Variants in SLC2A7 observed in about 807,000 individuals in gnomAD.
SLC2A7 encodes solute carrier family 2 member 7.
In SLC2A7, 50 loss-of-function variants were observed where a neutral mutation model predicts 50.5. The observed-to-expected ratio is 0.99, with a 90% CI of 0.79 to 1.25. The LOEUF (loss-of-function observed/expected upper bound fraction) is 1.25, where lower values mean the gene tolerates loss of function less well. Ranked by LOEUF, SLC2A7 falls within the 50% of genes most tolerant of loss-of-function variation. The pLI is 0.00. For missense variants in SLC2A7, 683 were observed against 679.1 expected, an observed-to-expected ratio of 1.01 and a Z score of -0.06; for synonymous variants, 308 against 300.4, an observed-to-expected ratio of 1.03 and a Z score of -0.26.
chr1:9,019,817 G>A (rs1024111326), intron 3 of SLC2A7, among the ~76,000 whole-genome samples: 1 of 152,086 alleles, frequency 6.6e-6, no homozygotes, highest in African/African-American at 2.4e-5. Context: ...TCAGCTACTC[G>A]GGAGGCTGAG....
intron 4 of SLC2A7, 84 bp from the exon 5 acceptor site, chr1:9,018,459 G>A (rs557966543): frequency 1.4e-4 from 214 of 1,547,734 alleles, no homozygotes; most frequent in South Asian, 1.1e-3. Flanking sequence ...TCCTAATCCC[G>A]GGGCTTCTCC....
chr1:9,023,211 A>C (rs1383299081), intron 2 of SLC2A7, 133 bp from the exon 3 acceptor site: 1 of 815,234 alleles, frequency 1.2e-6, no homozygotes, highest in African/African-American at 1.7e-5. Flanking sequence ...AGTTAAACCC[A>C]CTGATTCCCT....
At chr1:9,021,657 G>A (rs1028138039) in intron 3 of SLC2A7, among the ~76,000 whole-genome samples, 3 of 152,302 alleles carry the variant, frequency 2.0e-5, no homozygotes, top group Non-Finnish European at 2.9e-5. Flanking sequence ...CAGCCTTCAG[G>A]AGCAGCCACC....
At chr1:8,994,866 G>C in the SLC2A7 span, among the ~76,000 whole-genome samples, 2 of 151,840 alleles carry the variant, frequency 1.3e-5, no homozygotes, top group African/African-American at 4.8e-5. Context: ...TGCCTCCTGG[G>C]TTCAAGCGAT....
intron 10 of SLC2A7, among the ~76,000 whole-genome samples, chr1:9,005,280 T>G (rs567262743): frequency 6.6e-6 from 1 of 152,306 alleles, no homozygotes; most frequent in African/African-American, 2.4e-5. Flanking sequence ...CGCCCGCGCT[T>G]GGGAAGTGCC....
Position 9,010,372 on chromosome 1 carries a change from T to A in SLC2A7, c.1015-128A>T, listed in dbSNP as rs1364889002. 5.4e-6 allele frequency: 4 copies of A among 736,574 alleles called. No individual in the cohort carries two copies. In the African/African-American group the frequency reaches 7.1e-5, roughly 13 times the overall value. 45.6% of individuals were successfully genotyped at this position (736,574 alleles called of 1,614,324 possible). ...TCTTTCTTTTGTCTTTCTTTCTTTT[T>A]TTTTAAACGGAGTTTTGCTCTTGCT... On this transcript the variant is annotated intron_variant, in intron 8 of 11. Coordinates refer to ENST00000400906, the MANE Select transcript of SLC2A7 (RefSeq NM_207420.3).
At chr1:8,998,487 G>A (rs2895997), downstream of SLC2A7, among the ~76,000 whole-genome samples, 93,179 of 152,062 alleles carry the variant, frequency 0.61, 29,767 homozygotes, top group East Asian at 0.84. Context: ...TCCATTAACT[G>A]TTCACTATTA....
intron 6 of SLC2A7, 49 bp downstream of exon 6, chr1:9,015,068 T>C: frequency 6.2e-7 from 1 of 1,607,002 alleles, no homozygotes; most frequent in South Asian, 1.1e-5. Context: ...TGTCTCTGCC[T>C]GGCCCCCGGG....
At position 9,023,005 on chromosome 1, in the gene SLC2A7, A is replaced by C. The variant is rs1266628104; in HGVS notation, c.224T>G (p.Leu75Arg). 2 of 1,614,082 alleles carry C rather than the reference A, an allele frequency of 1.2e-6. No individual in the cohort carries two copies. Among genetic ancestry groups the C allele is most frequent in the Non-Finnish European group, 1.7e-6 (2 of 1,180,036 alleles). The change falls in exon 3 of 12, where the codon CTT (leucine) becomes CGT (arginine). Residue 75 changes from leucine (L) to arginine (R), a missense_variant. By Grantham distance (102) the Leu-to-Arg change is moderately radical. Coordinates refer to ENST00000400906, the MANE Select transcript of SLC2A7 (RefSeq NM_207420.3). Reference sequence around the variant, plus strand: ...CATGGAGACGGTGCAAGACCATAGAAGCAGCATGAGCTTCCCGTCCATGAA... The same window carrying C: ...CATGGAGACGGTGCAAGACCATAGACGCAGCATGAGCTTCCCGTCCATGAA... Reference protein sequence around the residue: ...ATFMDGKLMLLLWSCTVSMFP... With the variant: ...ATFMDGKLMLRLWSCTVSMFP...
intron 5 of SLC2A7, among the ~76,000 whole-genome samples, chr1:9,016,058 A>ATC (rs1290569557): frequency 6.6e-6 from 1 of 152,156 alleles, no homozygotes; most frequent in East Asian, 1.9e-4. Context: ...CTCAGGCAAG[A>ATC]AGTGGCGAGG....
At chr1:8,994,993 A>T in the SLC2A7 span, among the ~76,000 whole-genome samples, 4 of 149,920 alleles carry the variant, frequency 2.7e-5, no homozygotes, top group African/African-American at 9.8e-5. Flanking sequence ...CTGGTCTCGA[A>T]CTCCTGACCT....
chr1:8,992,735 G>C, the SLC2A7 span, among the ~76,000 whole-genome samples: 2 of 152,158 alleles, frequency 1.3e-5, no homozygotes, highest in African/African-American at 2.4e-5. Flanking sequence ...CGGAGCCCAG[G>C]ATCCAGAGTG....
rs1640800198 is a variant in SLC2A7 at position 9,014,733 on chromosome 1, A to C, written c.851T>G (p.Leu284Arg). ...LCALRSLRWQ[L>R]LSIIVLMAGQ... ...GGCCATGAGCACGATGATGGAGAGG[A>C]GCTGCCAGCGCAGGGACCGCAGGGC... Residue 284 changes from leucine (L) to arginine (R), a missense_variant, in exon 7 of 12, where the codon CTC (leucine) becomes CGC (arginine). Leu to Arg is a moderately radical substitution (Grantham distance 102, BLOSUM62 -2). Coordinates refer to ENST00000400906, the MANE Select transcript of SLC2A7 (RefSeq NM_207420.3). 1 of 1,573,412 alleles carries C rather than the reference A, an allele frequency of 6.4e-7. No homozygotes were observed. The highest frequency in any genetic ancestry group is 1.9e-5 in the Admixed American group (1 of 53,594).
the SLC2A7 span, among the ~76,000 whole-genome samples, chr1:8,996,280 C>CT: frequency 2.8e-4 from 42 of 152,332 alleles, no homozygotes; most frequent in African/African-American, 9.9e-4. Context: ...ATAGTAGGCA[C>CT]TTTCGGAGGG....
At chr1:9,012,392 T>A (rs1055366767) in intron 8 of SLC2A7, among the ~76,000 whole-genome samples, 7 of 152,146 alleles carry the variant, frequency 4.6e-5, no homozygotes, top group African/African-American at 1.7e-4. Flanking sequence ...AAAGGATGGA[T>A]CCTGCCCCAG....
chr1:9,024,320 T>C (rs1047453163), intron 2 of SLC2A7, among the ~76,000 whole-genome samples: 6 of 152,228 alleles, frequency 3.9e-5, no homozygotes, highest in Admixed American at 3.9e-4. Context: ...ACTCGGAGGT[T>C]CCATCCATGG....
chr1:9,024,895 C>T (rs537910592), intron 2 of SLC2A7, 81 bp downstream of exon 2: 88 of 1,490,986 alleles, frequency 5.9e-5, no homozygotes, highest in Non-Finnish European at 7.3e-5. Context: ...GCAGCCTCCA[C>T]GGAGGAAGAT....
At chr1:8,996,631 A>G in the SLC2A7 span, among the ~76,000 whole-genome samples, 3 of 152,208 alleles carry the variant, frequency 2.0e-5, no homozygotes, top group Non-Finnish European at 2.9e-5. Flanking sequence ...ACCATTTTAC[A>G]TATCTACCAG....
intron 2 of SLC2A7, among the ~76,000 whole-genome samples, chr1:9,024,556 G>A (rs1640966040): frequency 1.3e-5 from 2 of 152,154 alleles, no homozygotes; most frequent in African/African-American, 4.8e-5. Flanking sequence ...TCTGCCCTCA[G>A]GGTCTTCCAC....
Sources: gnomAD v4.1 joint callset for allele counts (sites outside exome capture counted in the v4.1 genomes callset) on GRCh38, gnomAD v4.1.1 for gene constraint, MANE v1.5 for transcripts, NCBI Gene and HGNC (gene_info 2026-07-23, HGNC 2026-07-21) for gene names.